DTNB: variants seen among roughly 807,000 people sequenced by gnomAD.
The protein encoded by DTNB is dystrobrevin beta.
A neutral mutation model predicts 90.7 loss-of-function variants in DTNB; 63 were observed. That is an observed-to-expected ratio of 0.69 (90% CI 0.57 to 0.86). DTNB has a LOEUF of 0.86. DTNB is among the 40% of genes least tolerant of loss of function. DTNB has a pLI of 0.00. For missense variants in DTNB, 744 were observed against 807.1 expected (o/e 0.92, Z 0.95); for synonymous variants, 277 against 286.7 (o/e 0.97, Z 0.34).
intron 9 of DTNB, among the ~76,000 whole-genome samples, chr2:25,524,535 G>A (rs547584612): frequency 7.3e-5 from 11 of 150,370 alleles, no homozygotes; most frequent in African/African-American, 2.4e-4. Flanking sequence ...GAAGACATTT[G>A]TAGAACAAGT....
intron 4 of DTNB, among the ~76,000 whole-genome samples, chr2:25,625,067 A>G (rs1297465245): frequency 6.6e-6 from 1 of 152,226 alleles, no homozygotes; most frequent in African/African-American, 2.4e-5. Flanking sequence ...GTAGGGTCTT[A>G]TACTCTCTTA....
At chr2:25,531,800 C>T (rs987611821) in intron 8 of DTNB, among the ~76,000 whole-genome samples, 10 of 152,174 alleles carry the variant, frequency 6.6e-5, no homozygotes, top group African/African-American at 2.4e-4. Context: ...TTCTGCAGTT[C>T]CTCCCTCATG....
In DTNB at chr2:25,387,335, G is replaced by A; in HGVS notation, c.1779C>T (p.Asp593=). Residue 593 remains aspartate, a synonymous_variant, in exon 18 of 21, where the codon GAC becomes GAT. Transcript: ENST00000406818. This position sits in a 1 kb window ranked among gnomAD's most constrained non-coding sequence, Gnocchi z 4.5. ...NLRNDLLVAA[D]SITNTMSSLV... ...GGGATGACATGGTGTTGGTGATGGA[G>A]TCAGCTGCCACCAGCAGGTCATTGC... The A allele has an allele frequency of 2.5e-6, 4 of 1,612,076 alleles. No individual in the cohort carries two copies. The highest frequency in any genetic ancestry group is 3.4e-6 in the Non-Finnish European group (4 of 1,179,318).
intron 2 of DTNB, among the ~76,000 whole-genome samples, chr2:25,641,224 C>T (rs1167249993): frequency 6.6e-6 from 1 of 152,090 alleles, no homozygotes; most frequent in Non-Finnish European, 1.5e-5. Context: ...TCTAGGGAGC[C>T]GTGCCACAAC....
intron 8 of DTNB, among the ~76,000 whole-genome samples, chr2:25,535,358 G>A (rs1164746440): frequency 4.2e-5 from 6 of 142,748 alleles, no homozygotes; most frequent in Non-Finnish European, 7.6e-5. Flanking sequence ...GGGCAGAGGC[G>A]CTCCTCACTT....
At chr2:25,570,440 A>C (rs1559070306) in intron 8 of DTNB, among the ~76,000 whole-genome samples, 1 of 151,568 alleles carries the variant, frequency 6.6e-6, no homozygotes, top group Non-Finnish European at 1.5e-5. Flanking sequence ...AAGAAGAAAA[A>C]AAAATGGGTT....
chr2:25,398,575 G>A (rs1264728229), intron 16 of DTNB, among the ~76,000 whole-genome samples: 1 of 152,198 alleles, frequency 6.6e-6, no homozygotes, highest in Admixed American at 6.5e-5. Flanking sequence ...GACCGGAGCC[G>A]ATCTTGGATG....
At chr2:25,610,945 G>A (rs1464503570) in intron 4 of DTNB, among the ~76,000 whole-genome samples, 1 of 152,150 alleles carries the variant, frequency 6.6e-6, no homozygotes, top group Non-Finnish European at 1.5e-5. Flanking sequence ...CCTGACTTCA[G>A]GTGATCCACC....
chr2:25,558,486 T>C, intron 8 of DTNB: 1 of 844,424 alleles, frequency 1.2e-6, no homozygotes, highest in Non-Finnish European at 1.4e-6. Flanking sequence ...ATTGCTCATT[T>C]GAAGAACTGC....
intron 8 of DTNB, among the ~76,000 whole-genome samples, chr2:25,574,243 G>A (rs1377610826): frequency 6.6e-6 from 1 of 152,204 alleles, no homozygotes; most frequent in Admixed American, 6.5e-5. Flanking sequence ...TCTTTGTCCG[G>A]TTTGTTCATA....
Position 25,482,826 on chromosome 2 carries a change from A to G in DTNB, c.1049T>C (p.Met350Thr). The change falls in exon 10 of 21, where the codon ATG (methionine) becomes ACG (threonine). Residue 350 changes from methionine to threonine, a missense_variant. By Grantham distance (81) the Met-to-Thr change is moderately conservative. Transcript: ENST00000406818. ...TNMNDTMVSH[M>T]SSGVPTPTKR... ...GGTGGGAGTGGGCACTCCAGAGGACATGTGGCTAACCATGGTGTCATTCAT... is the reference window on the plus strand; with the variant it reads ...GGTGGGAGTGGGCACTCCAGAGGACGTGTGGCTAACCATGGTGTCATTCAT... The G allele has an allele frequency of 9.3e-6, 15 of 1,611,294 alleles. No individual in the cohort carries two copies. The highest frequency in any genetic ancestry group is 1.3e-5 in the Non-Finnish European group (15 of 1,178,568).
chr2:25,405,883 G>A (rs2045010730), intron 16 of DTNB, among the ~76,000 whole-genome samples: 1 of 152,142 alleles, frequency 6.6e-6, no homozygotes, highest in South Asian at 2.1e-4. Context: ...ACTGAGAAAC[G>A]AGAGACAGGA....
At chr2:25,493,999 G>GA (rs148496790) in intron 9 of DTNB, among the ~76,000 whole-genome samples, 1 of 152,080 alleles carries the variant, frequency 6.6e-6, no homozygotes, top group Non-Finnish European at 1.5e-5. Context: ...AAAATAATAT[G>GA]AAAAAATCCT....
In DTNB at chr2:25,430,645, T is replaced by C. The variant is rs2053558756; in HGVS notation, c.1457+2241A>G. Among the ~76,000 whole-genome samples, 3 of 152,302 alleles carry C rather than the reference T, an allele frequency of 2.0e-5. No homozygotes were observed. The South Asian group carries it at 6.2e-4, about 32-fold the overall frequency. ...AGCTTATTACATAGGATAGTGATAA[T>C]GCGACAATATTGTTTTAAACACAAG... On this transcript the variant is annotated intron_variant, in intron 14 of 20. Coordinates refer to ENST00000406818, the MANE Select transcript of DTNB (RefSeq NM_021907.5).
chr2:25,569,782 T>C (rs1410535330), intron 8 of DTNB, among the ~76,000 whole-genome samples: 46 of 152,112 alleles, frequency 3.0e-4, no homozygotes, highest in Admixed American at 2.9e-3. Context: ...ATGAGTCTTC[T>C]AAAATTCCAA....
intron 4 of DTNB, among the ~76,000 whole-genome samples, chr2:25,611,936 T>A (rs899849938): frequency 4.6e-5 from 7 of 152,162 alleles, no homozygotes; most frequent in African/African-American, 7.2e-5. Flanking sequence ...AGAATTAATG[T>A]AATTCTTTCT....
chr2:25,587,181 C>T (rs938506125), intron 6 of DTNB, among the ~76,000 whole-genome samples: 58 of 152,226 alleles, frequency 3.8e-4, no homozygotes, highest in Middle Eastern at 6.8e-3. Flanking sequence ...AGCAGCTTAT[C>T]CAGCAGGCAA....
At chr2:25,430,503 A>G (rs2053500078) in intron 14 of DTNB, among the ~76,000 whole-genome samples, 1 of 152,094 alleles carries the variant, frequency 6.6e-6, no homozygotes, top group South Asian at 2.1e-4. Context: ...ACAGAGAACG[A>G]TCCTAAAGGC....
intron 9 of DTNB, among the ~76,000 whole-genome samples, chr2:25,500,267 G>A (rs892225190): frequency 3.9e-5 from 6 of 152,056 alleles, no homozygotes; most frequent in East Asian, 1.9e-4. Flanking sequence ...TCAATTGGTC[G>A]GGTGCTCAAC....
Sources: gnomAD v4.1 joint callset for allele counts (sites outside exome capture counted in the v4.1 genomes callset) on GRCh38, gnomAD v4.1.1 for gene constraint, Gnocchi (gnomAD v3.1) non-coding constraint, MANE v1.5 for transcripts, NCBI Gene and HGNC (gene_info 2026-07-23, HGNC 2026-07-21) for gene names.